The following C8orf89 variants were observed in gnomAD, a reference collection of about 807,000 sequenced individuals.
C8orf89 encodes the protein chromosome 8 open reading frame 89, also known as putative uncharacterized protein C8orf89.
A neutral mutation model predicts 15.8 loss-of-function variants in C8orf89; 14 were observed. The ratio of observed to expected loss-of-function variants is 0.89; its 90% confidence interval spans 0.59 to 1.39. The LOEUF (loss-of-function observed/expected upper bound fraction) is 1.39, where lower values mean the gene tolerates loss of function less well. C8orf89 is among the 40% of genes most tolerant of loss of function. C8orf89 has a pLI of 0.00. For synonymous variants in C8orf89, 55 were observed against 62.2 expected (o/e 0.88, Z 0.54); for missense variants, 181 against 184.5 (o/e 0.98, Z 0.11).
At chr8:73,284,483 G>C in the C8orf89 span, among the ~76,000 whole-genome samples, 1 of 151,994 alleles carries the variant, frequency 6.6e-6, no homozygotes, top group Non-Finnish European at 1.5e-5. Context: ...AAAGTGCTGG[G>C]ATTACAGGCG....
intron 3 of C8orf89, among the ~76,000 whole-genome samples, chr8:73,243,897 T>TATTTAATTATATAA (rs1813065209): frequency 6.6e-6 from 1 of 152,174 alleles, no homozygotes; most frequent in Admixed American, 6.5e-5. Context: ...TTAATGCTTG[T>TATTTAATTATATAA]ATTTAATTAT....
chr8:73,245,098 T>A (rs923007801), intron 3 of C8orf89, among the ~76,000 whole-genome samples: 2 of 151,638 alleles, frequency 1.3e-5, no homozygotes, highest in African/African-American at 4.9e-5. Flanking sequence ...GCAAAAGGGG[T>A]TTCCTCTTAT....
At chr8:73,258,672 A>G (rs1395048593) in intron 1 of C8orf89, among the ~76,000 whole-genome samples, 1 of 145,136 alleles carries the variant, frequency 6.9e-6, no homozygotes, top group African/African-American at 2.6e-5. Flanking sequence ...TTTGTTGCCC[A>G]GACTGAAGTA....
At chr8:73,255,854 C>T (rs1219643366) in intron 2 of C8orf89, among the ~76,000 whole-genome samples, 1 of 150,684 alleles carries the variant, frequency 6.6e-6, no homozygotes, top group African/African-American at 2.4e-5. Flanking sequence ...TAAACTATCG[C>T]AAGGACAAAA....
the C8orf89 span, among the ~76,000 whole-genome samples, chr8:73,271,304 G>C: frequency 0.33 from 50,129 of 152,090 alleles, 8,672 homozygotes; most frequent in Middle Eastern, 0.5. Context: ...GGCCTAGTGG[G>C]AGGTGTTTGG....
chr8:73,276,805 A>ATTT, the C8orf89 span, among the ~76,000 whole-genome samples: 3,284 of 87,506 alleles, frequency 0.038, 363 homozygotes, highest in African/African-American at 0.1. Flanking sequence ...CACAGCAGTC[A>ATTT]TTTTTTTTTT....
the C8orf89 span, among the ~76,000 whole-genome samples, chr8:73,276,805 A>ATTTTTTTTTTTTT: frequency 1.1e-5 from 1 of 87,640 alleles, no homozygotes; most frequent in African/African-American, 4.2e-5. Context: ...CACAGCAGTC[A>ATTTTTTTTTTTTT]TTTTTTTTTT....
chr8:73,275,114 C>T, the C8orf89 span, among the ~76,000 whole-genome samples: 1 of 151,850 alleles, frequency 6.6e-6, no homozygotes, highest in African/African-American at 2.4e-5. Flanking sequence ...ACTTTACTTA[C>T]TACTAATAGA....
At chr8:73,268,207 C>A in the C8orf89 span, among the ~76,000 whole-genome samples, 57,203 of 151,994 alleles carry the variant, frequency 0.38, 10,926 homozygotes, top group Middle Eastern at 0.52. Context: ...AGGCTGGGCG[C>A]GGTGCCTCAT....
chr8:73,246,936 C>G (rs896092779), intron 3 of C8orf89, among the ~76,000 whole-genome samples: 2 of 152,032 alleles, frequency 1.3e-5, no homozygotes, highest in African/African-American at 4.8e-5. Context: ...TCAGTTAACT[C>G]CATTATTCCA....
At chr8:73,274,942 A>G in the C8orf89 span, among the ~76,000 whole-genome samples, 1 of 152,204 alleles carries the variant, frequency 6.6e-6, no homozygotes, top group Admixed American at 6.5e-5. Context: ...GTAATTATCC[A>G]TCCTCCTACA....
chr8:73,246,768 G>T (rs946495255), intron 3 of C8orf89, among the ~76,000 whole-genome samples: 3 of 152,134 alleles, frequency 2.0e-5, no homozygotes, highest in African/African-American at 7.2e-5. Context: ...AATTAAGAGA[G>T]AGAAAACATC....
At chr8:73,282,256 G>GA in the C8orf89 span, among the ~76,000 whole-genome samples, 3 of 152,208 alleles carry the variant, frequency 2.0e-5, no homozygotes, top group Middle Eastern at 3.4e-3. Context: ...CAGTCCAGAA[G>GA]AAAAAACAGT....
the C8orf89 span, among the ~76,000 whole-genome samples, chr8:73,280,709 A>T: frequency 6.7e-6 from 1 of 149,686 alleles, no homozygotes; most frequent in African/African-American, 2.4e-5. Context: ...ACATATACAT[A>T]TATATATACA....
chr8:73,257,380 G>A (rs146390734), intron 1 of C8orf89, among the ~76,000 whole-genome samples: 5 of 152,236 alleles, frequency 3.3e-5, no homozygotes, highest in South Asian at 2.1e-4. Flanking sequence ...TTCCACAGTC[G>A]TCACTATCCT....
chr8:73,249,288 T>C (rs1387381767), intron 3 of C8orf89, among the ~76,000 whole-genome samples: 1 of 152,192 alleles, frequency 6.6e-6, no homozygotes, highest in African/African-American at 2.4e-5. Context: ...TTGTGGTGGA[T>C]TAGCTTTTTG....
chr8:73,280,742 T>TATATATAC, the C8orf89 span, among the ~76,000 whole-genome samples: 2 of 150,052 alleles, frequency 1.3e-5, 1 homozygote, highest in Non-Finnish European at 3.0e-5. Context: ...CATATATATA[T>TATATATAC]ACACACACAC....
intron 2 of C8orf89, among the ~76,000 whole-genome samples, chr8:73,255,731 T>G (rs1322514619): frequency 1.3e-5 from 2 of 150,682 alleles, no homozygotes; most frequent in South Asian, 2.1e-4. Flanking sequence ...AATGATAGAC[T>G]GGATTAAGAA....
intron 1 of C8orf89, among the ~76,000 whole-genome samples, chr8:73,257,366 G>T (rs2130285364): frequency 6.6e-6 from 1 of 152,224 alleles, no homozygotes; most frequent in South Asian, 2.1e-4. Context: ...CAGCTTCATG[G>T]ATCTTCCACA....
Sources: gnomAD v4.1 joint callset for allele counts (sites outside exome capture counted in the v4.1 genomes callset) on GRCh38, gnomAD v4.1.1 for gene constraint, MANE v1.5 for transcripts, NCBI Gene and HGNC (gene_info 2026-07-23, HGNC 2026-07-21) for gene names.